TRIOBP: variants seen among roughly 807,000 people sequenced by gnomAD.
TRIOBP encodes TRIO and F-actin-binding protein.
TRIOBP carries 169 observed loss-of-function variants against 238.8 expected under a neutral mutation model. That is an observed-to-expected ratio of 0.71 (90% CI 0.62 to 0.80). The LOEUF is 0.80. TRIOBP is among the 30% of genes least tolerant of loss of function. The pLI is 0.00. For synonymous variants in TRIOBP, 1,150 were observed against 1,274.4 expected, an observed-to-expected ratio of 0.90 and a Z score of 2.08; for missense variants, 2,838 against 3,122.6, an observed-to-expected ratio of 0.91 and a Z score of 2.17.
intron 3 of TRIOBP, among the ~76,000 whole-genome samples, chr22:37,707,263 C>T (rs1313047309): frequency 1.3e-5 from 2 of 151,750 alleles, no homozygotes; most frequent in East Asian, 1.9e-4. Context: ...GCGACAAGAG[C>T]GAAAAACTCC....
intron 12 of TRIOBP, among the ~76,000 whole-genome samples, chr22:37,754,135 C>T (rs774055910): frequency 2.6e-5 from 4 of 152,132 alleles, no homozygotes; most frequent in African/African-American, 4.8e-5. Flanking sequence ...TGCATCTGGG[C>T]GCGGTGGCTC....
At position 37,722,427 on chromosome 22, in the gene TRIOBP, CA is replaced by C. The variant is rs35646436; in HGVS notation, c.629-741del. On this transcript the variant is annotated intron_variant, in intron 6 of 23. Coordinates refer to ENST00000644935, the MANE Select transcript of TRIOBP (RefSeq NM_001039141.3). ...TGGGTGACAGAACGAGACTCTGTCT[CA>C]AAAAAAAAAAAAAAAAGGTCGGGCA... 4.2e-3 allele frequency among the ~76,000 whole-genome samples: 401 copies of C among 94,356 alleles called. 1 individual carries two copies. Among genetic ancestry groups the C allele is most frequent in the African/African-American group, 0.012 (261 of 21,814 alleles). 61.9% of individuals were successfully genotyped at this position (94,356 alleles called of 152,430 possible). A position where few individuals can be genotyped will look rare whatever the true frequency, so the allele number is the denominator to read the frequency against.
chr22:37,737,023 T>C (rs1256704977), intron 9 of TRIOBP, among the ~76,000 whole-genome samples: 1 of 152,102 alleles, frequency 6.6e-6, no homozygotes, highest in Non-Finnish European at 1.5e-5. Flanking sequence ...CTTTGATGAG[T>C]TGACCCTCCA....
chr22:37,709,959 C>T (rs911451716), intron 3 of TRIOBP, among the ~76,000 whole-genome samples: 39 of 152,244 alleles, frequency 2.6e-4, no homozygotes, highest in African/African-American at 8.9e-4. Context: ...CTCAGCCAGC[C>T]TAATCCTTCC....
Position 37,723,616 on chromosome 22 carries a change from C to A in TRIOBP, c.1060C>A (p.Pro354Thr). ...SPSRSTQLDN[P>T]RTSSTQQDNP... The stretch of plus-strand genomic sequence containing the variant: ...CTCACGAAGCACCCAACTGGATAAC[C>A]CCAGAACCTCTTCTACCCAGCAGGA... The change falls in exon 7 of 24, where the codon CCC becomes ACC. Residue 354 changes from proline to threonine, a missense_variant. Pro to Thr is a conservative substitution (Grantham distance 38, BLOSUM62 -1). Transcript: ENST00000644935. 1 of 1,614,126 alleles carries A rather than the reference C, an allele frequency of 6.2e-7. No individual in the cohort carries two copies.
At chr22:37,754,779 TC>T (rs2145866030) in intron 12 of TRIOBP, 97 bp from the exon 13 acceptor site, 2 of 1,277,862 alleles carry the variant, frequency 1.6e-6, no homozygotes, top group Non-Finnish European at 1.1e-6. Flanking sequence ...ATTTTCCGCC[TC>T]CCCACCCCTC....
Position 37,759,190 on chromosome 22 carries a change from C to T in TRIOBP, c.6250C>T (p.Leu2084Phe). The T allele has an allele frequency of 6.2e-7, 1 of 1,613,026 alleles. No homozygotes were observed. Among genetic ancestry groups the T allele is most frequent in the Non-Finnish European group, 8.5e-7 (1 of 1,180,000 alleles). ...ALRAQLEAWR[L>F]QGEAPQSALR... ...TCGGGCCCAGCTGGAGGCGTGGCGT[C>T]TCCAAGGGGAGGCTCCTCAGAGTGC... The change falls in exon 17 of 24, where the codon CTC (leucine) becomes TTC (phenylalanine). Residue 2084 changes from leucine (L) to phenylalanine (F), a missense_variant. By Grantham distance (22) the Leu-to-Phe change is conservative. This residue lies in a region of TRIOBP where 2,096 missense variants were observed against 2,137.4 expected (regional missense o/e 0.98). Transcript: ENST00000644935.
intron 18 of TRIOBP, 115 bp downstream of exon 18, chr22:37,765,932 A>G: frequency 7.3e-7 from 1 of 1,364,714 alleles, no homozygotes; most frequent in African/African-American, 1.4e-5. Flanking sequence ...TCAGTGCCAC[A>G]TTTGGGGTAA....
At chr22:37,702,750 A>G (rs931545213) in intron 3 of TRIOBP, among the ~76,000 whole-genome samples, 1 of 150,488 alleles carries the variant, frequency 6.6e-6, no homozygotes, top group Non-Finnish European at 1.5e-5. Flanking sequence ...CCCAGGCTCA[A>G]ATGATCTTCC....
At position 37,751,929 on chromosome 22, in the gene TRIOBP, C is replaced by T. The variant is rs567123374; in HGVS notation, c.5379+101C>T. 75 of 675,284 alleles carry T rather than the reference C, an allele frequency of 1.1e-4. No individual in the cohort carries two copies. The East Asian group carries it at 3.4e-3, about 31-fold the overall frequency. The allele number at this position is 675,284 out of a possible 1,614,324, so 41.8% of individuals were successfully genotyped here. On this transcript the variant is annotated intron_variant, in intron 12 of 23. Coordinates refer to ENST00000644935, the MANE Select transcript of TRIOBP (RefSeq NM_001039141.3). ...GTGGGGCTGGGGCTGGTGTGAGAAC[C>T]CTGGGGGTGGGGCTGGGAGGGGTGG...
chr22:37,741,272 T>C (rs980807205), intron 11 of TRIOBP, among the ~76,000 whole-genome samples: 1 of 151,356 alleles, frequency 6.6e-6, no homozygotes, highest in African/African-American at 2.4e-5. Flanking sequence ...GAGTGAGGGG[T>C]GATGGAATAA....
In TRIOBP at chr22:37,729,699, T is replaced by G. The variant is rs148368858; in HGVS notation, c.3947+3196T>G. ...TTATTAACCATTTGTTTTTACACGA[T>G]CACTCCTATACATTTAATTCTACTC... On this transcript the variant is annotated intron_variant, in intron 7 of 23. Transcript: ENST00000644935. 5.7e-3 allele frequency among the ~76,000 whole-genome samples: 873 copies of G among 152,354 alleles called. 5 individuals carry two copies. The highest frequency in any genetic ancestry group is 0.02 in the African/African-American group (819 of 41,574).
At chr22:37,702,133 A>G (rs1213724772) in intron 3 of TRIOBP, among the ~76,000 whole-genome samples, 3 of 148,074 alleles carry the variant, frequency 2.0e-5, no homozygotes, top group Non-Finnish European at 4.6e-5. Flanking sequence ...AAAAAAGAGA[A>G]GAAAGGTAGA....
chr22:37,757,467 G>A (rs1925988397), intron 15 of TRIOBP, 146 bp from the exon 16 acceptor site: 1 of 1,121,802 alleles, frequency 8.9e-7, no homozygotes, highest in Middle Eastern at 2.3e-4. Context: ...CTGTTAACCA[G>A]GAAGCTCAGG....
Position 37,726,391 on chromosome 22 carries a change from C to A in TRIOBP, c.3835C>A (p.Pro1279Thr), listed in dbSNP as rs767132549. The change falls in exon 7 of 24, where the codon CCC becomes ACC. Residue 1279 changes from proline to threonine, a missense_variant. By Grantham distance (38) the Pro-to-Thr change is conservative (BLOSUM62 -1). Transcript: ENST00000644935. ...EYTVLADLPP[P>T]RRLAQRQPGP... is the part of the protein sequence containing the mutation. ...CACTGTGCTGGCCGACCTGCCCCCA[C>A]CCAGGAGGCTGGCCCAGAGACAGCC... 6.3e-7 allele frequency: 1 copy of A among 1,587,992 alleles called. No homozygotes were observed. The highest frequency in any genetic ancestry group is 8.6e-7 in the Non-Finnish European group (1 of 1,166,672).
At chr22:37,707,950 GAAAA>G (rs1271064581) in intron 3 of TRIOBP, among the ~76,000 whole-genome samples, 1 of 68,172 alleles carries the variant, frequency 1.5e-5, no homozygotes, top group East Asian at 4.9e-4. Flanking sequence ...TCAAAAAAAA[GAAAA>G]AAAAAAAAAA....
chr22:37,754,200 A>G (rs1466886988), intron 12 of TRIOBP, among the ~76,000 whole-genome samples: 1 of 152,206 alleles, frequency 6.6e-6, no homozygotes, highest in Non-Finnish European at 1.5e-5. Context: ...ACCTGAGGCC[A>G]GGAGTTTGAG....
chr22:37,755,667 C>G lies in TRIOBP; in HGVS notation c.5687+8C>G. ...AGCCCCAGATGTCACCAAGTACGTA[C>G]TAAGCTGGACTGGGGCCTTGAGGGA... On this transcript the variant is annotated splice_region_variant and intron_variant, in intron 15 of 23. Transcript: ENST00000644935. 3 of 1,613,292 alleles carry G rather than the reference C, an allele frequency of 1.9e-6. No individual in the cohort carries two copies. The highest frequency in any genetic ancestry group is 2.5e-6 in the Non-Finnish European group (3 of 1,179,462).
chr22:37,771,345 T>C (rs1926763828), intron 21 of TRIOBP, among the ~76,000 whole-genome samples: 1 of 152,108 alleles, frequency 6.6e-6, no homozygotes, highest in Non-Finnish European at 1.5e-5. Context: ...CAGGTTTATG[T>C]AGGGCTTCTT....
Sources: gnomAD v4.1 joint callset for allele counts (sites outside exome capture counted in the v4.1 genomes callset) on GRCh38, gnomAD v4.1.1 for gene constraint, gnomAD v4.1.1 regional missense constraint, MANE v1.5 for transcripts, NCBI Gene and HGNC (gene_info 2026-07-23, HGNC 2026-07-21) for gene names.